SPINK5: variants seen among roughly 807,000 people sequenced by gnomAD.
SPINK5 encodes the protein serine peptidase inhibitor Kazal type 5.
A neutral mutation model predicts 151.8 loss-of-function variants in SPINK5; 125 were observed. That is an observed-to-expected ratio of 0.82 (90% CI 0.71 to 0.96). SPINK5 has a LOEUF of 0.96. Among genes scored for constraint, SPINK5 ranks in the 40% least tolerant of loss-of-function variants. The pLI, the probability that SPINK5 is intolerant of heterozygous loss-of-function variation, is 0.00. For missense variants in SPINK5, 1,194 were observed against 1,291.9 expected (o/e 0.92, Z 1.16); for synonymous variants, 374 against 395.3 (o/e 0.95, Z 0.64).
intron 20 of SPINK5, 114 bp from the exon 21 acceptor site, chr5:148,114,248 A>AT: frequency 2.4e-6 from 3 of 1,264,032 alleles, no homozygotes; most frequent in Non-Finnish European, 3.2e-6. Flanking sequence ...CAGAAAAAAA[A>AT]TTCTCAGGTC....
At chr5:148,089,349 C>T in intron 6 of SPINK5, 145 bp from the exon 7 acceptor site, 1 of 1,009,064 alleles carries the variant, frequency 9.9e-7, no homozygotes, top group South Asian at 1.3e-5. Flanking sequence ...TTATAGAGTA[C>T]TTACTGAGCT....
intron 30 of SPINK5, among the ~76,000 whole-genome samples, chr5:148,130,311 T>C (rs1754539663): frequency 6.6e-6 from 1 of 151,900 alleles, no homozygotes; most frequent in African/African-American, 2.4e-5. Flanking sequence ...TTAGAACTCA[T>C]CCTTTTACTT....
At chr5:148,128,703 T>G (rs1030841549) in intron 30 of SPINK5, among the ~76,000 whole-genome samples, 1 of 152,118 alleles carries the variant, frequency 6.6e-6, no homozygotes, top group Non-Finnish European at 1.5e-5. Context: ...TTTTGTATTT[T>G]TAGTAGAGAC....
intron 9 of SPINK5, among the ~76,000 whole-genome samples, chr5:148,095,148 C>G (rs892072284): frequency 2.0e-5 from 3 of 151,972 alleles, no homozygotes; most frequent in African/African-American, 7.2e-5. Flanking sequence ...AAGTCCTTCC[C>G]TAATTGAAAT....
intron 5 of SPINK5, among the ~76,000 whole-genome samples, 154 bp downstream of exon 5, chr5:148,086,686 A>G (rs1247448499): frequency 2.0e-5 from 3 of 151,842 alleles, no homozygotes; most frequent in Non-Finnish European, 4.4e-5. Context: ...TACTCTTAAG[A>G]CAAATAAAGG....
At chr5:148,075,325 T>G (rs530037669) in intron 4 of SPINK5, among the ~76,000 whole-genome samples, 35 of 151,522 alleles carry the variant, frequency 2.3e-4, no homozygotes, top group African/African-American at 8.0e-4. Context: ...ACTATTAAAA[T>G]AATTTGATTT....
At chr5:148,105,244 A>G in intron 16 of SPINK5, among the ~76,000 whole-genome samples, 1 of 152,282 alleles carries the variant, frequency 6.6e-6, no homozygotes, top group East Asian at 1.9e-4. Flanking sequence ...TTTGTAAGGA[A>G]TTTTCCCCAT....
At chr5:148,096,197 A>G (rs1296234590) in intron 10 of SPINK5, among the ~76,000 whole-genome samples, 1 of 151,988 alleles carries the variant, frequency 6.6e-6, no homozygotes, top group Non-Finnish European at 1.5e-5. Context: ...CTGAATTCAA[A>G]GTGTGATATG....
Position 148,091,228 on chromosome 5 carries a change from G to A in SPINK5, c.666G>A (p.Lys222=), listed in dbSNP as rs769098540. The A allele has an allele frequency of 1.2e-6, 2 of 1,610,788 alleles. No individual in the cohort carries two copies. The highest frequency in any genetic ancestry group is 1.1e-5 in the South Asian group (1 of 90,930). ...GETRIRRNAE[K]DFCKEYEKQV... The stretch of plus-strand genomic sequence containing the variant: ...CTAGAATTCGACGAAATGCTGAAAA[G>A]GTAAAATGACTCACCAACGCAATTT... Residue 222 remains lysine (K), a splice_region_variant and synonymous_variant, in exon 8 of 33, where the codon AAG becomes AAA. Transcript: ENST00000256084.
In SPINK5 at chr5:148,118,518, G is replaced by T. The variant is rs772561829; in HGVS notation, c.2194G>T (p.Asp732Tyr). ...TRESDPVRDA[D>Y]GKSYNNQCTM... ...GGAGAGTGATCCTGTACGTGATGCT[G>T]ATGGCAAATCGTACAACAATCAGTG... Residue 732 changes from aspartate (D) to tyrosine (Y), a missense_variant, in exon 23 of 33, where the codon GAT becomes TAT. Coordinates refer to ENST00000256084, the MANE Select transcript of SPINK5 (RefSeq NM_006846.4). The T allele has an allele frequency of 1.9e-6, 3 of 1,614,146 alleles. No homozygotes were observed. Among genetic ancestry groups the T allele is most frequent in the Non-Finnish European group, 2.5e-6 (3 of 1,180,014 alleles).
At chr5:148,079,575 C>A (rs1398182491) in intron 4 of SPINK5, among the ~76,000 whole-genome samples, 1 of 150,936 alleles carries the variant, frequency 6.6e-6, no homozygotes, top group African/African-American at 2.4e-5. Context: ...AAGAATTATC[C>A]CAAGAAAGCA....
intron 3 of SPINK5, among the ~76,000 whole-genome samples, chr5:148,071,689 G>A (rs1462056821): frequency 6.6e-6 from 1 of 150,886 alleles, no homozygotes; most frequent in Non-Finnish European, 1.5e-5. Flanking sequence ...TTTTTTACCT[G>A]GAAAGAAGGA....
chr5:148,116,535 G>A (rs950702346), intron 22 of SPINK5, 69 bp downstream of exon 22: 46 of 1,438,658 alleles, frequency 3.2e-5, no homozygotes, highest in Admixed American at 1.3e-4. Context: ...TGTGAATAGC[G>A]TATATAGTCT....
Position 148,072,058 on chromosome 5 carries a change from G to A in SPINK5, c.210-90G>A, listed in dbSNP as rs1752752724. The A allele has an allele frequency of 2.5e-6, 3 of 1,211,822 alleles. No individual in the cohort carries two copies. The Admixed American group carries it at 5.4e-5, about 22-fold the overall frequency. The allele number at this position is 1,211,822 out of a possible 1,614,324, so 75.1% of individuals were successfully genotyped here. A position where few individuals can be genotyped will look rare whatever the true frequency, so the allele number is the denominator to read the frequency against. ...GACATGCCAGGCTAGGCTGAGGAGA[G>A]CAGTTAAAATTAAGTTTACCATGTT... On this transcript the variant is annotated intron_variant, in intron 3 of 32. Transcript: ENST00000256084.
intron 32 of SPINK5, among the ~76,000 whole-genome samples, chr5:148,135,205 T>C (rs1353976546): frequency 2.6e-5 from 4 of 152,188 alleles, no homozygotes; most frequent in Admixed American, 2.6e-4. Context: ...TGTCTTATTA[T>C]ATAGAAATTC....
At chr5:148,074,898 A>G (rs982313160) in intron 4 of SPINK5, among the ~76,000 whole-genome samples, 2 of 151,634 alleles carry the variant, frequency 1.3e-5, no homozygotes, top group Non-Finnish European at 2.9e-5. Flanking sequence ...TATTTTGAAT[A>G]TATTTTGTTT....
intron 4 of SPINK5, among the ~76,000 whole-genome samples, chr5:148,080,009 T>C (rs764880510): frequency 6.6e-6 from 1 of 151,082 alleles, no homozygotes; most frequent in Non-Finnish European, 1.5e-5. Context: ...TGAAAAGTTC[T>C]AGGGATCCAC....
rs201002048 is a variant in SPINK5 at position 148,114,262 on chromosome 5, T to TTC, written c.1888-92_1888-91dup. 3.2e-5 allele frequency: 42 copies of TTC among 1,333,278 alleles called. No homozygotes were observed. In the East Asian group the frequency reaches 3.9e-4, roughly 12 times the overall value. 82.6% of individuals were successfully genotyped at this position (1,333,278 alleles called of 1,614,324 possible). On this transcript the variant is annotated intron_variant, in intron 20 of 32. Transcript: ENST00000256084. ...CCAGAAAAAAAATTCTCAGGTCATT[T>TTC]TCTCTCTCTTTTTTTTTTTTCTATA... is the stretch of plus-strand genomic sequence containing the variant.
At chr5:148,092,513 C>A (rs935449776) in intron 8 of SPINK5, among the ~76,000 whole-genome samples, 18 of 151,930 alleles carry the variant, frequency 1.2e-4, no homozygotes, top group East Asian at 2.0e-4. Flanking sequence ...CTCTTCCTCT[C>A]TGTGGCTAGG....
Sources: gnomAD v4.1 joint callset for allele counts (sites outside exome capture counted in the v4.1 genomes callset) on GRCh38, gnomAD v4.1.1 for gene constraint, MANE v1.5 for transcripts, NCBI Gene and HGNC (gene_info 2026-07-23, HGNC 2026-07-21) for gene names.